Variants in GPD1L observed in about 807,000 individuals in gnomAD.
GPD1L encodes the protein glycerol-3-phosphate dehydrogenase 1-like protein.
GPD1L carries 17 observed loss-of-function variants against 32.9 expected under a neutral mutation model. The observed-to-expected ratio is 0.52, with a 90% CI of 0.35 to 0.78. The LOEUF (loss-of-function observed/expected upper bound fraction) is 0.78, where lower values mean the gene tolerates loss of function less well. Among genes scored for constraint, GPD1L ranks in the 30% least tolerant of loss-of-function variants. The pLI is 0.01. For synonymous variants in GPD1L, 187 were observed against 165.9 expected (o/e 1.13, Z -0.98); for missense variants, 361 against 447.8 (o/e 0.81, Z 1.75).
chr3:32,112,450 C>T (rs1700266233), intron 1 of GPD1L, among the ~76,000 whole-genome samples: 1 of 152,068 alleles, frequency 6.6e-6, no homozygotes, highest in Non-Finnish European at 1.5e-5. Flanking sequence ...GCCTAGACAA[C>T]TTAGTGAGAC....
rs1444273182 is a variant in GPD1L, at chr3:32,128,095, A to G, written c.67A>G (p.Ile23Val). 2 of 1,612,856 alleles carry G rather than the reference A, an allele frequency of 1.2e-6. No individual in the cohort carries two copies. The highest frequency in any genetic ancestry group is 2.2e-5 in the East Asian group (1 of 44,876). Residue 23 changes from isoleucine to valine, a missense_variant, in exon 2 of 8, where the codon ATA (isoleucine) becomes GTA (valine). Transcript: ENST00000282541. ...TTGTAGGGGTTCAGCTGTTGCAAAAATAATTGGTAATAATGTCAAGAAACT... is the reference window on the plus strand; with the variant it reads ...TTGTAGGGGTTCAGCTGTTGCAAAAGTAATTGGTAATAATGTCAAGAAACT... ...SGNWGSAVAK[I>V]IGNNVKKLQK...
intron 1 of GPD1L, among the ~76,000 whole-genome samples, chr3:32,108,236 T>C (rs1700191986): frequency 6.6e-6 from 1 of 151,862 alleles, no homozygotes; most frequent in Admixed American, 6.6e-5. Flanking sequence ...AAATAAAATA[T>C]TAGTCGGGCA....
intron 1 of GPD1L, among the ~76,000 whole-genome samples, chr3:32,115,627 C>T (rs1700320484): frequency 6.6e-6 from 1 of 152,152 alleles, no homozygotes; most frequent in Non-Finnish European, 1.5e-5. Context: ...AGGAGGAGAA[C>T]TCTAACCTAA....
At position 32,159,565 on chromosome 3, in the gene GPD1L, A is replaced by C. The variant is rs763090435; in HGVS notation, c.853-3A>C. ...TTTAAATATATAATCCTTTGTTTTT[A>C]AGACCATTGAAGAGTTGGAGAAGGA... On this transcript the variant is annotated splice_region_variant and splice_polypyrimidine_tract_variant and intron_variant, in intron 6 of 7. Coordinates refer to ENST00000282541, the MANE Select transcript of GPD1L (RefSeq NM_015141.4). The C allele has an allele frequency of 1.3e-6, 2 of 1,537,580 alleles. No individual in the cohort carries two copies. Among genetic ancestry groups the C allele is most frequent in the South Asian group, 2.2e-5 (2 of 89,502 alleles).
At chr3:32,165,068 G>A (rs1198924768) in intron 7 of GPD1L, among the ~76,000 whole-genome samples, 2 of 152,170 alleles carry the variant, frequency 1.3e-5, no homozygotes, top group African/African-American at 4.8e-5. Context: ...GCCAGGCGTG[G>A]TGGCACACAC....
chr3:32,163,834 G>GC (rs1238392851), intron 7 of GPD1L, among the ~76,000 whole-genome samples: 3 of 152,210 alleles, frequency 2.0e-5, no homozygotes, highest in Non-Finnish European at 4.4e-5. Flanking sequence ...GCTTTCAGCT[G>GC]CAAGACCAAC....
intron 1 of GPD1L, among the ~76,000 whole-genome samples, chr3:32,114,337 G>C (rs191350789): frequency 5.6e-4 from 85 of 152,332 alleles, no homozygotes; most frequent in Middle Eastern, 3.4e-3. Context: ...GAACTTAATA[G>C]GCACTTTTCA....
At chr3:32,164,699 CA>C (rs566888797) in intron 7 of GPD1L, among the ~76,000 whole-genome samples, 231 of 152,220 alleles carry the variant, frequency 1.5e-3, no homozygotes, top group African/African-American at 5.2e-3. Context: ...AAACATTCCA[CA>C]AAAAAGTAGC....
At chr3:32,159,799 C>G in intron 7 of GPD1L, 125 bp downstream of exon 7, 1 of 719,592 alleles carries the variant, frequency 1.4e-6, no homozygotes, top group South Asian at 1.5e-5. Flanking sequence ...TGGATTAGTT[C>G]AGTCCTTTGT....
intron 3 of GPD1L, among the ~76,000 whole-genome samples, chr3:32,140,003 G>A (rs1287231481): frequency 6.6e-6 from 1 of 152,148 alleles, no homozygotes; most frequent in Non-Finnish European, 1.5e-5. Context: ...AGACACACAG[G>A]GGACTTCAGT....
At chr3:32,114,791 A>G (rs6763382) in intron 1 of GPD1L, among the ~76,000 whole-genome samples, 80,227 of 151,426 alleles carry the variant, frequency 0.53, 24,481 homozygotes, top group East Asian at 0.9. Context: ...TCTTCCTTCC[A>G]GTGGGTTCGT....
chr3:32,159,225 C>T (rs945931413), intron 6 of GPD1L, 116 bp downstream of exon 6: 22 of 784,452 alleles, frequency 2.8e-5, no homozygotes, highest in Non-Finnish European at 3.2e-5. Context: ...GGGATTGTTC[C>T]GTTTGCCTGG....
At chr3:32,155,781 A>G (rs1405166303) in intron 5 of GPD1L, among the ~76,000 whole-genome samples, 1 of 152,134 alleles carries the variant, frequency 6.6e-6, no homozygotes, top group East Asian at 1.9e-4. Context: ...TCAATACTAG[A>G]AGGGCCTTGA....
chr3:32,152,301 T>C (rs1351870865), intron 5 of GPD1L, among the ~76,000 whole-genome samples: 2 of 152,200 alleles, frequency 1.3e-5, no homozygotes, highest in Non-Finnish European at 2.9e-5. Context: ...TTCTATTCTA[T>C]AGAATTCGCA....
rs1348992990 is a variant in GPD1L, at chr3:32,140,516, TAAG to T, written c.505+151_505+153del. 4 of 867,328 alleles carry T rather than the reference TAAG, an allele frequency of 4.6e-6. No homozygotes were observed. In the South Asian group the frequency reaches 5.9e-5, roughly 13 times the overall value. 53.7% of individuals were successfully genotyped at this position (867,328 alleles called of 1,614,324 possible). On this transcript the variant is annotated intron_variant, in intron 4 of 7. Coordinates refer to ENST00000282541, the MANE Select transcript of GPD1L (RefSeq NM_015141.4). ...CATTCAGTGGGGCGAGGGTTTTACT[TAAG>T]GAGGCTATTTTGTGGAACTGAAGTG...
chr3:32,137,554 C>A (rs1248828291), intron 2 of GPD1L, among the ~76,000 whole-genome samples: 3 of 152,116 alleles, frequency 2.0e-5, no homozygotes, highest in Non-Finnish European at 1.5e-5. Context: ...ACATGGTACA[C>A]GTAGCTGCAA....
At chr3:32,115,528 G>T (rs1402050648) in intron 1 of GPD1L, among the ~76,000 whole-genome samples, 2 of 152,108 alleles carry the variant, frequency 1.3e-5, no homozygotes, top group Non-Finnish European at 2.9e-5. Flanking sequence ...TCTCTACCCG[G>T]TTTTTCCAGT....
In GPD1L at chr3:32,168,593, T is replaced by C. The variant is rs983857349; in HGVS notation, c.*2683T>C. On this transcript the variant is annotated 3_prime_UTR_variant, in exon 8 of 8. Coordinates refer to ENST00000282541, the MANE Select transcript of GPD1L (RefSeq NM_015141.4). ...GCCGGTGTGCAAAGGGAACTTTAGT[T>C]TTTCCACTGGTTCTTATCTGCTAGC... The C allele has an allele frequency of 6.5e-6, 1 of 152,674 alleles. No individual in the cohort carries two copies. Among genetic ancestry groups the C allele is most frequent in the Admixed American group, 6.5e-5 (1 of 15,292 alleles). The allele number at this position is 152,674 out of a possible 1,614,324, so 9.5% of individuals were successfully genotyped here.
At chr3:32,123,839 T>TAGATAGAC (rs58722314) in intron 1 of GPD1L, among the ~76,000 whole-genome samples, 15,763 of 133,956 alleles carry the variant, frequency 0.12, 1,208 homozygotes, top group Non-Finnish European at 0.17. Context: ...GATAGATAGA[T>TAGATAGAC]AGACAGACAG....
Sources: allele counts gnomAD v4.1 joint callset (sites outside exome capture counted in the v4.1 genomes callset), GRCh38; gene constraint gnomAD v4.1.1; transcripts MANE v1.5; gene names NCBI Gene and HGNC (gene_info 2026-07-23, HGNC 2026-07-21).